Variants in OR1J2 observed in about 807,000 individuals in gnomAD.
OR1J2 encodes the protein olfactory receptor family 1 subfamily J member 2.
For missense variants in OR1J2, 304 were observed against 246.1 expected, an observed-to-expected ratio of 1.24 and a Z score of -1.57; for synonymous variants, 142 against 99.7, an observed-to-expected ratio of 1.42 and a Z score of -2.52.
chr9:122,479,162 A>G, the OR1J2 span, among the ~76,000 whole-genome samples: 1 of 152,198 alleles, frequency 6.6e-6, no homozygotes, highest in East Asian at 1.9e-4. Flanking sequence ...TCTCTTGGGG[A>G]CGCAGCGGTG....
the OR1J2 span, among the ~76,000 whole-genome samples, chr9:122,530,266 ATT>A: frequency 6.6e-6 from 1 of 152,198 alleles, no homozygotes; most frequent in African/African-American, 2.4e-5. Context: ...CCTGGGACAC[ATT>A]GCACTGTGAT....
chr9:122,512,871 G>T (rs1828656464), downstream of OR1J2, among the ~76,000 whole-genome samples: 1 of 152,156 alleles, frequency 6.6e-6, no homozygotes, highest in African/African-American at 2.4e-5. Flanking sequence ...TTCCTTGAAA[G>T]ATTGGGGCAG....
chr9:122,469,087 A>G, the OR1J2 span, among the ~76,000 whole-genome samples: 2 of 152,190 alleles, frequency 1.3e-5, no homozygotes. Context: ...AAAGCAGCTC[A>G]TTTACTATTA....
At chr9:122,458,525 CA>C in the OR1J2 span, among the ~76,000 whole-genome samples, 2 of 152,188 alleles carry the variant, frequency 1.3e-5, no homozygotes, top group African/African-American at 4.8e-5. Flanking sequence ...TGGTGGAAGG[CA>C]AAGGAGAAGC....
the OR1J2 span, among the ~76,000 whole-genome samples, chr9:122,490,140 A>C: frequency 6.6e-6 from 1 of 152,188 alleles, no homozygotes; most frequent in South Asian, 2.1e-4. Context: ...TTGTTGCTGA[A>C]GCAGGATTGT....
chr9:122,497,404 G>C, the OR1J2 span, among the ~76,000 whole-genome samples: 278 of 152,244 alleles, frequency 1.8e-3, 1 homozygote, highest in African/African-American at 6.3e-3. Context: ...TTGGGAGATT[G>C]CATAGTTTCA....
chr9:122,495,530 C>T, the OR1J2 span, among the ~76,000 whole-genome samples: 1 of 151,844 alleles, frequency 6.6e-6, no homozygotes, highest in South Asian at 2.1e-4. Context: ...CCTTGATTTC[C>T]AGAAGTTTTT....
At chr9:122,520,619 A>G in the OR1J2 span, among the ~76,000 whole-genome samples, 6 of 152,192 alleles carry the variant, frequency 3.9e-5, no homozygotes, top group Non-Finnish European at 5.9e-5. Context: ...CTTTCATTCA[A>G]CAGTTCACTT....
At chr9:122,465,169 T>C in the OR1J2 span, among the ~76,000 whole-genome samples, 2 of 152,106 alleles carry the variant, frequency 1.3e-5, no homozygotes, top group African/African-American at 2.4e-5. Flanking sequence ...AACAGCCAAA[T>C]TACCACTAGG....
At chr9:122,502,176 C>G in the OR1J2 span, among the ~76,000 whole-genome samples, 1 of 152,186 alleles carries the variant, frequency 6.6e-6, no homozygotes, top group Non-Finnish European at 1.5e-5. Flanking sequence ...ACAGAATGCA[C>G]TGAAGCAGTA....
chr9:122,458,150 AT>A, the OR1J2 span, among the ~76,000 whole-genome samples: 1 of 152,108 alleles, frequency 6.6e-6, no homozygotes, highest in Non-Finnish European at 1.5e-5. Flanking sequence ...ATTTGGAAGG[AT>A]ATTTTCAGTG....
At chr9:122,479,899 C>G in the OR1J2 span, among the ~76,000 whole-genome samples, 2 of 152,148 alleles carry the variant, frequency 1.3e-5, no homozygotes, top group African/African-American at 4.8e-5. Flanking sequence ...AAAACTTTTA[C>G]TGGGCTTAGT....
At chr9:122,451,419 A>T in the OR1J2 span, among the ~76,000 whole-genome samples, 1 of 152,054 alleles carries the variant, frequency 6.6e-6, no homozygotes, top group African/African-American at 2.4e-5. Context: ...TCCCAACCTC[A>T]GGTGATCCTC....
chr9:122,535,633 C>T, the OR1J2 span, among the ~76,000 whole-genome samples: 4 of 152,138 alleles, frequency 2.6e-5, no homozygotes, highest in African/African-American at 9.7e-5. Context: ...GTTTCTTGGG[C>T]TGCTGGGTCT....
chr9:122,527,041 T>C, the OR1J2 span: 451 of 1,613,996 alleles, frequency 2.8e-4, 5 homozygotes, highest in Non-Finnish European at 6.4e-5. Context: ...TGATGCCGAG[T>C]CTGTATATTC....
chr9:122,519,538 C>A, the OR1J2 span: 1 of 1,614,182 alleles, frequency 6.2e-7, no homozygotes, highest in Middle Eastern at 1.6e-4. Context: ...CTCCGCTACA[C>A]CACTATCATG....
the OR1J2 span, among the ~76,000 whole-genome samples, chr9:122,555,343 C>G: frequency 1.1e-4 from 16 of 152,182 alleles, no homozygotes; most frequent in Non-Finnish European, 2.4e-4. Flanking sequence ...CCTTCTGTCC[C>G]TTCTCTTTGG....
At chr9:122,534,196 C>T in the OR1J2 span, among the ~76,000 whole-genome samples, 1 of 152,110 alleles carries the variant, frequency 6.6e-6, no homozygotes, top group African/African-American at 2.4e-5. Context: ...GGGTTTGTCT[C>T]ACAGTGGAGG....
the OR1J2 span, chr9:122,526,773 T>G: frequency 1.2e-6 from 2 of 1,613,692 alleles, no homozygotes; most frequent in African/African-American, 2.7e-5. Flanking sequence ...ACAGAAAAAG[T>G]GAGCAATTTC....
Sources: allele counts gnomAD v4.1 joint callset (sites outside exome capture counted in the v4.1 genomes callset), GRCh38; gene constraint gnomAD v4.1.1; transcripts MANE v1.5; gene names NCBI Gene and HGNC (gene_info 2026-07-23, HGNC 2026-07-21).